The following CRAMP1 variants were observed in gnomAD, a reference collection of about 807,000 sequenced individuals.
CRAMP1 encodes the protein cramped chromatin regulator 1, also known as protein cramped-like.
A neutral mutation model predicts 115.4 loss-of-function variants in CRAMP1; 50 were observed. That is an observed-to-expected ratio of 0.43 (90% CI 0.35 to 0.55). The LOEUF is 0.55. CRAMP1 is among the 20% of genes least tolerant of loss of function. The pLI is 0.01. For synonymous variants in CRAMP1, 866 were observed against 745.4 expected, an observed-to-expected ratio of 1.16 and a Z score of -2.64; for missense variants, 1,679 against 1,721.7, an observed-to-expected ratio of 0.98 and a Z score of 0.44.
intron 20 of CRAMP1, among the ~76,000 whole-genome samples, chr16:1,673,465 C>T (rs1311291464): frequency 1.3e-5 from 2 of 152,276 alleles, no homozygotes; most frequent in East Asian, 1.9e-4. Flanking sequence ...ACCTCCCGCT[C>T]AGGTCCCAGT....
chr16:1,664,310 C>A (rs1596497438), intron 13 of CRAMP1, among the ~76,000 whole-genome samples: 1 of 152,242 alleles, frequency 6.6e-6, no homozygotes, highest in Non-Finnish European at 1.5e-5. Context: ...TGGAAAGGAG[C>A]ACTTCATGCC....
chr16:1,612,966 G>A (rs1030680671), intron 1 of CRAMP1, among the ~76,000 whole-genome samples: 2 of 152,138 alleles, frequency 1.3e-5, no homozygotes, highest in Non-Finnish European at 2.9e-5. Context: ...TTTCAGTGGC[G>A]AAAAGCGCTT....
chr16:1,661,782 C>T (rs1466429302), intron 11 of CRAMP1, among the ~76,000 whole-genome samples: 1 of 151,974 alleles, frequency 6.6e-6, no homozygotes, highest in Non-Finnish European at 1.5e-5. Context: ...TCAGTAGAGA[C>T]AGGGTTTCGC....
intron 19 of CRAMP1, among the ~76,000 whole-genome samples, chr16:1,670,007 G>A (rs912310175): frequency 6.6e-6 from 1 of 152,168 alleles, no homozygotes; most frequent in Non-Finnish European, 1.5e-5. Context: ...GCTCATGTCT[G>A]TAATCCCAGC....
At position 1,674,310 on chromosome 16, in the gene CRAMP1, T is replaced by C; in HGVS notation, c.*265T>C. The C allele has an allele frequency of 2.0e-6, 1 of 492,140 alleles. No individual in the cohort carries two copies. Among genetic ancestry groups the C allele is most frequent in the Non-Finnish European group, 3.7e-6 (1 of 273,258 alleles). 30.5% of individuals were successfully genotyped at this position (492,140 alleles called of 1,614,324 possible). ...CCACGCCTGGGCCCATGTTAGGGTC[T>C]GCATAATGATCCCATTTCAGCCTGT... is the stretch of plus-strand genomic sequence containing the variant. On this transcript the variant is annotated 3_prime_UTR_variant, in exon 21 of 21. Transcript: ENST00000397412.
rs2036879341 is a variant in CRAMP1 at position 1,666,669 on chromosome 16, C to G, written c.3036+69C>G. 3.5e-6 allele frequency: 5 copies of G among 1,428,696 alleles called. No homozygotes were observed. Among genetic ancestry groups the G allele is most frequent in the Middle Eastern group, 2.1e-4 (1 of 4,788 alleles). 88.5% of individuals were successfully genotyped at this position (1,428,696 alleles called of 1,614,324 possible). On this transcript the variant is annotated intron_variant, in intron 16 of 20. Coordinates refer to ENST00000397412, the MANE Select transcript of CRAMP1 (RefSeq NM_020825.4). This position sits in a 1 kb window ranked among gnomAD's most constrained non-coding sequence, Gnocchi z 5.0. ...TGGTGTGGACGCCAAAGCCATGGGG[C>G]TGAGATCACGCTGGACTCCAGCTCT...
At chr16:1,615,577 G>A (rs991693634) in intron 2 of CRAMP1, among the ~76,000 whole-genome samples, 1 of 152,156 alleles carries the variant, frequency 6.6e-6, no homozygotes, top group Non-Finnish European at 1.5e-5. Context: ...TGGTGAAAAC[G>A]ATTGACATGA....
At chr16:1,654,330 G>A (rs1325809080) in intron 8 of CRAMP1, among the ~76,000 whole-genome samples, 1 of 151,276 alleles carries the variant, frequency 6.6e-6, no homozygotes, top group Non-Finnish European at 1.5e-5. Context: ...TCCTGCCTCA[G>A]CCTCCCGAGC....
chr16:1,625,217 C>T (rs1427346249), intron 2 of CRAMP1, among the ~76,000 whole-genome samples: 2 of 151,962 alleles, frequency 1.3e-5, no homozygotes, highest in Non-Finnish European at 1.5e-5. Context: ...TATCTGTGGT[C>T]TTTTGACTCC....
chr16:1,623,291 C>T (rs1282475051), intron 2 of CRAMP1, among the ~76,000 whole-genome samples: 2 of 152,250 alleles, frequency 1.3e-5, no homozygotes, highest in Admixed American at 6.5e-5. Context: ...GCTTCACCAG[C>T]CTCATCAGAG....
chr16:1,652,427 C>T (rs1377484870), intron 6 of CRAMP1, 69 bp from the exon 7 acceptor site: 13 of 1,403,854 alleles, frequency 9.3e-6, no homozygotes, highest in African/African-American at 2.9e-5. Context: ...AGCGCCTCTC[C>T]GTGTGCTGGC....
At chr16:1,662,896 C>A in intron 13 of CRAMP1, 61 bp downstream of exon 13, 2 of 1,279,560 alleles carry the variant, frequency 1.6e-6, no homozygotes, top group Non-Finnish European at 2.2e-6. Flanking sequence ...GGACACAGGG[C>A]TTCTTCCCTC....
intron 3 of CRAMP1, among the ~76,000 whole-genome samples, chr16:1,631,361 C>A (rs567404512): frequency 1.3e-5 from 2 of 152,232 alleles, no homozygotes; most frequent in African/African-American, 4.8e-5. Flanking sequence ...CCTCTTCTCA[C>A]GTCCCCATCG....
intron 4 of CRAMP1, among the ~76,000 whole-genome samples, chr16:1,634,909 T>C (rs978494241): frequency 6.6e-6 from 1 of 152,160 alleles, no homozygotes; most frequent in Admixed American, 6.5e-5. Flanking sequence ...TGTTTTGTTT[T>C]GTTTTTTGAG....
At chr16:1,643,169 G>C (rs912243654) in intron 6 of CRAMP1, among the ~76,000 whole-genome samples, 1 of 152,150 alleles carries the variant, frequency 6.6e-6, no homozygotes, top group African/African-American at 2.4e-5. Context: ...GTAGTCTCCC[G>C]AGTGATGACA....
At chr16:1,657,637 C>T (rs1045470637) in intron 10 of CRAMP1, among the ~76,000 whole-genome samples, 8 of 152,160 alleles carry the variant, frequency 5.3e-5, no homozygotes, top group African/African-American at 1.4e-4. Flanking sequence ...CCAGACAGGA[C>T]GGTCCCTGCA....
chr16:1,621,063 G>A (rs558771626), intron 2 of CRAMP1, among the ~76,000 whole-genome samples: 1 of 152,190 alleles, frequency 6.6e-6, no homozygotes, highest in Non-Finnish European at 1.5e-5. Context: ...TTAAATACAG[G>A]TTCTGTTACT....
rs2036957077 is a variant in CRAMP1, at chr16:1,675,184, G to C, written c.*1139G>C. 6.6e-6 allele frequency: 1 copy of C among 152,258 alleles called. No homozygotes were observed. The allele number at this position is 152,258 out of a possible 1,614,324, so 9.4% of individuals were successfully genotyped here. Reference sequence around the variant, plus strand: ...TGGTCTCCCTCCTTGCGCCCTCTTGGGTGGCCAGCGTTCCTACTGCAGACG... The same window carrying C: ...TGGTCTCCCTCCTTGCGCCCTCTTGCGTGGCCAGCGTTCCTACTGCAGACG... On this transcript the variant is annotated 3_prime_UTR_variant, in exon 21 of 21. Transcript: ENST00000397412.
Position 1,656,444 on chromosome 16 carries a change from C to T in CRAMP1, c.1687C>T (p.Arg563Cys), listed in dbSNP as rs577488354. 1.6e-5 allele frequency: 25 copies of T among 1,583,924 alleles called. No homozygotes were observed. Among genetic ancestry groups the T allele is most frequent in the Admixed American group, 1.8e-5 (1 of 55,936 alleles). Residue 563 changes from arginine (R) to cysteine (C), a missense_variant, in exon 10 of 21, where the codon CGC becomes TGC. By Grantham distance (180) the Arg-to-Cys change is radical. Coordinates refer to ENST00000397412, the MANE Select transcript of CRAMP1 (RefSeq NM_020825.4). This position sits in a 1 kb window ranked among gnomAD's most constrained non-coding sequence, Gnocchi z 5.6. ...GCTCTCGCTTCTAGACCCCTTGCCC[C>T]GCTACCTAAAGTCCTGTCAGGACCT... ...DELSLLDPLP[R>C]YLKSCQDLIV... is the part of the protein sequence containing the mutation.
Sources: allele counts gnomAD v4.1 joint callset (sites outside exome capture counted in the v4.1 genomes callset), GRCh38; gene constraint gnomAD v4.1.1; non-coding constraint Gnocchi (gnomAD v3.1); transcripts MANE v1.5; gene names NCBI Gene and HGNC (gene_info 2026-07-23, HGNC 2026-07-21).